C8orf34: variants seen among roughly 807,000 people sequenced by gnomAD.
C8orf34 encodes chromosome 8 open reading frame 34, also known as uncharacterized protein C8orf34.
Under a neutral mutation model 68.3 loss-of-function variants are expected in C8orf34, and 65 were observed. The ratio of observed to expected loss-of-function variants is 0.95; its 90% CI spans 0.78 to 1.17. The LOEUF (loss-of-function observed/expected upper bound fraction) is 1.17, where lower values mean the gene tolerates loss of function less well. Among genes scored for constraint, C8orf34 ranks in the 50% most tolerant of loss-of-function variants. C8orf34 has a pLI of 0.00. For missense variants in C8orf34, 664 were observed against 655.4 expected, an observed-to-expected ratio of 1.01 and a Z score of -0.14; for synonymous variants, 244 against 241.2, an observed-to-expected ratio of 1.01 and a Z score of -0.11.
chr8:68,417,907 T>C (rs997800863), intron 1 of C8orf34, among the ~76,000 whole-genome samples: 1 of 151,796 alleles, frequency 6.6e-6, no homozygotes, highest in Non-Finnish European at 1.5e-5. Flanking sequence ...TTCAAGATAT[T>C]GATTCTTCCT....
chr8:68,730,783 A>G (rs1161643865), intron 10 of C8orf34, among the ~76,000 whole-genome samples: 3 of 152,114 alleles, frequency 2.0e-5, no homozygotes, highest in African/African-American at 7.2e-5. Context: ...AGTGTGGCCT[A>G]ATATACATTG....
chr8:68,689,196 G>A (rs1342585631), intron 8 of C8orf34, among the ~76,000 whole-genome samples: 3 of 151,952 alleles, frequency 2.0e-5, no homozygotes, highest in Non-Finnish European at 4.4e-5. Flanking sequence ...AAGCTATGAG[G>A]ATTCAAAGAC....
chr8:68,499,666 C>T (rs1813681385), intron 5 of C8orf34, among the ~76,000 whole-genome samples: 1 of 152,108 alleles, frequency 6.6e-6, no homozygotes, highest in African/African-American at 2.4e-5. Flanking sequence ...GGATATTCCC[C>T]AGAAGATACT....
intron 8 of C8orf34, among the ~76,000 whole-genome samples, chr8:68,680,860 TGCAGGAGAC>T (rs1462682083): frequency 1.3e-5 from 2 of 152,088 alleles, no homozygotes; most frequent in South Asian, 4.1e-4. Context: ...CTGAGGGTAC[TGCAGGAGAC>T]CAGGGCGTAT....
At chr8:68,369,409 T>C (rs534706693) in intron 1 of C8orf34, among the ~76,000 whole-genome samples, 87 of 152,362 alleles carry the variant, frequency 5.7e-4, no homozygotes, top group African/African-American at 2.1e-3. Flanking sequence ...TATGACAGAA[T>C]GCCATGCCGG....
At chr8:68,471,315 C>T (rs1812368943) in intron 4 of C8orf34, among the ~76,000 whole-genome samples, 1 of 152,048 alleles carries the variant, frequency 6.6e-6, no homozygotes, top group Non-Finnish European at 1.5e-5. Flanking sequence ...CTTGGAATGA[C>T]TTGAGTTTCT....
Position 68,759,584 on chromosome 8 carries a change from C to T in C8orf34, c.1405-16815C>T, listed in dbSNP as rs1041273869. On this transcript the variant is annotated intron_variant, in intron 10 of 13. Coordinates refer to ENST00000518698, the MANE Select transcript of C8orf34 (RefSeq NM_052958.4). ...TACAGAATGCCAAGAAGTACCTTGT[C>T]GGGGTCTACTGAATTTACATATACA... Among the ~76,000 whole-genome samples the T allele has an allele frequency of 3.9e-5, 6 of 152,222 alleles. No homozygotes were observed. In the East Asian group the frequency reaches 9.7e-4, roughly 25 times the overall value.
intron 10 of C8orf34, among the ~76,000 whole-genome samples, chr8:68,748,886 G>C (rs186779658): frequency 2.0e-5 from 3 of 152,080 alleles, no homozygotes; most frequent in Non-Finnish European, 2.9e-5. Flanking sequence ...CCCATTACTG[G>C]GTATACACCC....
chr8:68,357,991 C>G (rs1199162350), intron 1 of C8orf34, among the ~76,000 whole-genome samples: 1 of 152,166 alleles, frequency 6.6e-6, no homozygotes, highest in Admixed American at 6.5e-5. Flanking sequence ...ACATTGTCTT[C>G]ACATTGTTTT....
chr8:68,790,097 T>C (rs1237795534), intron 12 of C8orf34, among the ~76,000 whole-genome samples: 1 of 152,184 alleles, frequency 6.6e-6, no homozygotes, highest in Non-Finnish European at 1.5e-5. Flanking sequence ...AGCACAGAGA[T>C]GCAAATAAGA....
intron 1 of C8orf34, among the ~76,000 whole-genome samples, chr8:68,422,793 G>A (rs1810036814): frequency 6.6e-6 from 1 of 152,176 alleles, no homozygotes; most frequent in African/African-American, 2.4e-5. Flanking sequence ...TGGACATCCA[G>A]GCCCTTCCAT....
At chr8:68,478,244 C>G (rs538119640) in intron 4 of C8orf34, among the ~76,000 whole-genome samples, 1 of 152,252 alleles carries the variant, frequency 6.6e-6, no homozygotes, top group South Asian at 2.1e-4. Context: ...ATCCACAGAT[C>G]TGCCCTAGAG....
chr8:68,421,209 G>A (rs535395271), intron 1 of C8orf34, among the ~76,000 whole-genome samples: 216 of 152,202 alleles, frequency 1.4e-3, no homozygotes, highest in African/African-American at 5.1e-3. Context: ...TAAATAAAAC[G>A]AAAGACCTTG....
intron 1 of C8orf34, among the ~76,000 whole-genome samples, chr8:68,335,719 C>T (rs1805819032): frequency 1.3e-5 from 2 of 152,084 alleles, no homozygotes; most frequent in African/African-American, 4.8e-5. Context: ...TTCAATAAAT[C>T]ACTATATAAC....
chr8:68,687,160 G>A (rs1327780491), intron 8 of C8orf34, among the ~76,000 whole-genome samples: 2 of 152,086 alleles, frequency 1.3e-5, no homozygotes, highest in African/African-American at 4.8e-5. Flanking sequence ...TAGATGGATA[G>A]AATCAATACT....
intron 10 of C8orf34, among the ~76,000 whole-genome samples, chr8:68,732,775 T>G (rs911270478): frequency 6.6e-6 from 1 of 152,222 alleles, no homozygotes; most frequent in African/African-American, 2.4e-5. Context: ...ACAAGGTATT[T>G]CCAAATAAAA....
intron 12 of C8orf34, chr8:68,791,359 A>T (rs1823989048): frequency 6.2e-6 from 1 of 160,184 alleles, no homozygotes; most frequent in South Asian, 2.0e-4. Flanking sequence ...CCCATGATCC[A>T]ACTACCTCCC....
At chr8:68,662,231 T>G (rs1291093250) in intron 8 of C8orf34, among the ~76,000 whole-genome samples, 1 of 152,206 alleles carries the variant, frequency 6.6e-6, no homozygotes, top group Non-Finnish European at 1.5e-5. Flanking sequence ...AAAAGTTGTC[T>G]GGGTGAAGCC....
chr8:68,708,229 CAT>C (rs1386725409), intron 8 of C8orf34, among the ~76,000 whole-genome samples: 3 of 151,866 alleles, frequency 2.0e-5, no homozygotes, highest in Non-Finnish European at 4.4e-5. Context: ...TTATGGTGCA[CAT>C]ATAATTTACA....
Sources: gnomAD v4.1 joint callset for allele counts (sites outside exome capture counted in the v4.1 genomes callset) on GRCh38, gnomAD v4.1.1 for gene constraint, MANE v1.5 for transcripts, NCBI Gene and HGNC (gene_info 2026-07-23, HGNC 2026-07-21) for gene names.